Variants in DLG2 observed in about 807,000 individuals in gnomAD.
The protein encoded by DLG2 is disks large homolog 2.
Under a neutral mutation model 132.5 loss-of-function variants are expected in DLG2, and 45 were observed. The observed-to-expected ratio is 0.34, with a 90% CI of 0.27 to 0.44. The LOEUF (loss-of-function observed/expected upper bound fraction) is 0.44. DLG2 is among the 20% of genes least tolerant of loss of function. The probability of loss-of-function intolerance (pLI) is 1.00; values close to 1 mark genes in which losing one functional copy is unlikely to be tolerated. For missense variants in DLG2, 1,045 were observed against 1,196.9 expected (o/e 0.87, Z 1.87); for synonymous variants, 424 against 419.6 (o/e 1.01, Z -0.13).
At chr11:83,468,498 G>A (rs1435463411) in intron 25 of DLG2, among the ~76,000 whole-genome samples, 2 of 152,146 alleles carry the variant, frequency 1.3e-5, no homozygotes, top group South Asian at 2.1e-4. Flanking sequence ...ACTTCTTAGT[G>A]TATTCTTAGA....
At chr11:83,902,203 T>G (rs1238829164) in intron 15 of DLG2, among the ~76,000 whole-genome samples, 1 of 152,210 alleles carries the variant, frequency 6.6e-6, no homozygotes, top group Non-Finnish European at 1.5e-5. Flanking sequence ...TGTTCTTTCA[T>G]GCCACTAGGC....
chr11:83,798,189 G>A (rs1054179414), intron 17 of DLG2, among the ~76,000 whole-genome samples: 2 of 152,202 alleles, frequency 1.3e-5, no homozygotes, highest in Non-Finnish European at 1.5e-5. Flanking sequence ...TTAGACCCGG[G>A]AAGGCCAGGA....
chr11:83,492,133 T>C (rs1191934594), intron 21 of DLG2, among the ~76,000 whole-genome samples: 1 of 152,104 alleles, frequency 6.6e-6, no homozygotes, highest in African/African-American at 2.4e-5. Context: ...AAAAGTTTCC[T>C]GGCTACTTAT....
intron 7 of DLG2, among the ~76,000 whole-genome samples, chr11:84,462,265 A>G (rs769237750): frequency 1.1e-4 from 16 of 151,080 alleles, no homozygotes; most frequent in Non-Finnish European, 2.1e-4. Flanking sequence ...ACAATTTACA[A>G]TCTTCCTGGA....
intron 7 of DLG2, among the ~76,000 whole-genome samples, chr11:84,429,075 G>A (rs1180152773): frequency 1.3e-5 from 2 of 152,170 alleles, no homozygotes; most frequent in African/African-American, 2.4e-5. Flanking sequence ...TGAAAAAGAA[G>A]AGCCCCTGAG....
intron 8 of DLG2, among the ~76,000 whole-genome samples, chr11:84,239,823 C>T (rs1321950092): frequency 1.3e-5 from 2 of 152,178 alleles, no homozygotes; most frequent in African/African-American, 4.8e-5. Flanking sequence ...TGATGAAAAA[C>T]TATAAAGGCT....
chr11:84,668,357 G>A (rs1595341286), intron 6 of DLG2, among the ~76,000 whole-genome samples: 1 of 152,110 alleles, frequency 6.6e-6, no homozygotes, highest in Admixed American at 6.6e-5. Flanking sequence ...AAGCAATTGA[G>A]TTTAAAGATA....
At chr11:84,549,763 T>C (rs537358306) in intron 6 of DLG2, among the ~76,000 whole-genome samples, 1 of 152,234 alleles carries the variant, frequency 6.6e-6, no homozygotes, top group East Asian at 1.9e-4. Flanking sequence ...TTTTTGTTTG[T>C]TTGTTTTTGA....
At chr11:84,379,467 T>A (rs1273745530) in intron 7 of DLG2, among the ~76,000 whole-genome samples, 8 of 151,974 alleles carry the variant, frequency 5.3e-5, no homozygotes, top group Admixed American at 5.2e-4. Flanking sequence ...AAACTAGATC[T>A]CAGGAAATTT....
In DLG2 at chr11:84,949,139, A is replaced by T. The variant is rs570978556; in HGVS notation, c.357+162522T>A. ...AAAGAGAGAAATTTTAAAGCTGGGC[A>T]TCCGGGGGAGACATCACACATTGGT... On this transcript the variant is annotated intron_variant, in intron 6 of 27. Coordinates refer to ENST00000376104, the MANE Select transcript of DLG2 (RefSeq NM_001142699.3). Among the ~76,000 whole-genome samples, 31 of 152,316 alleles carry T rather than the reference A, an allele frequency of 2.0e-4. No homozygotes were observed. In the South Asian group the frequency reaches 3.5e-3, roughly 17 times the overall value.
intron 3 of DLG2, chr11:85,525,138 T>A (rs1382612185): frequency 1.3e-5 from 2 of 152,230 alleles, no homozygotes; most frequent in Admixed American, 1.3e-4. Context: ...AAATAGTTAA[T>A]GTAATTTACC....
chr11:85,506,569 G>A (rs1281436176), intron 3 of DLG2, among the ~76,000 whole-genome samples: 1 of 152,208 alleles, frequency 6.6e-6, no homozygotes, highest in African/African-American at 2.4e-5. Context: ...TGATTGCACT[G>A]TGGTCTGAGA....
intron 6 of DLG2, among the ~76,000 whole-genome samples, chr11:84,566,931 G>A (rs1202001117): frequency 6.6e-6 from 1 of 152,094 alleles, no homozygotes; most frequent in African/African-American, 2.4e-5. Context: ...TACAAAATGA[G>A]GACAATGCAA....
chr11:84,406,413 G>A (rs1323364606), intron 7 of DLG2, among the ~76,000 whole-genome samples: 1 of 152,110 alleles, frequency 6.6e-6, no homozygotes, highest in African/African-American at 2.4e-5. Flanking sequence ...TGACCTCCTG[G>A]GCTCAAATGG....
intron 9 of DLG2, among the ~76,000 whole-genome samples, chr11:84,160,440 T>A (rs2095521188): frequency 1.3e-5 from 2 of 152,132 alleles, no homozygotes; most frequent in Non-Finnish European, 2.9e-5. Context: ...GTAATGACTT[T>A]GATATAAATG....
intron 19 of DLG2, among the ~76,000 whole-genome samples, chr11:83,620,631 A>G (rs60809470): frequency 0.22 from 34,123 of 151,682 alleles, 4,229 homozygotes; most frequent in African/African-American, 0.32. Flanking sequence ...AGCACTTTGG[A>G]AGGCCGAGGC....
Position 84,364,085 on chromosome 11 carries a change from A to G in DLG2, c.520-112794T>C, listed in dbSNP as rs1422449408. On this transcript the variant is annotated intron_variant, in intron 7 of 27. Transcript: ENST00000376104. ...GCTTGATGGGGATGGCATTGAATCT[A>G]TAAATTACCTTGGGCAGTATGGCAA... Among the ~76,000 whole-genome samples, 10 of 152,160 alleles carry G rather than the reference A, an allele frequency of 6.6e-5. No homozygotes were observed. The East Asian group carries it at 1.5e-3, about 24-fold the overall frequency.
intron 6 of DLG2, among the ~76,000 whole-genome samples, chr11:84,540,529 A>T (rs1258661512): frequency 6.6e-6 from 1 of 152,188 alleles, no homozygotes; most frequent in Non-Finnish European, 1.5e-5. Context: ...GATCATTAAA[A>T]GTCAGGAAAC....
chr11:84,309,955 A>G (rs1486945625), intron 7 of DLG2, among the ~76,000 whole-genome samples: 3 of 152,208 alleles, frequency 2.0e-5, no homozygotes, highest in Non-Finnish European at 4.4e-5. Context: ...TCTGGTGTTA[A>G]GTGCTGTGGG....
Sources: allele counts gnomAD v4.1 joint callset (sites outside exome capture counted in the v4.1 genomes callset), GRCh38; gene constraint gnomAD v4.1.1; transcripts MANE v1.5; gene names NCBI Gene and HGNC (gene_info 2026-07-23, HGNC 2026-07-21).